Variants in TTI1 observed in about 807,000 individuals in gnomAD.
TTI1 encodes the protein TELO2 interacting protein 1, also known as TELO2-interacting protein 1 homolog.
In TTI1, 52 loss-of-function variants were observed where a neutral mutation model predicts 85.4. The ratio of observed to expected loss-of-function variants is 0.61; its 90% CI spans 0.49 to 0.77. The LOEUF is 0.77. Among genes scored for constraint, TTI1 ranks in the 30% least tolerant of loss-of-function variants. The probability of loss-of-function intolerance (pLI) is 0.00; values close to 1 mark genes in which losing one functional copy is unlikely to be tolerated. For synonymous variants in TTI1, 512 were observed against 503.9 expected (o/e 1.02, Z -0.22); for missense variants, 1,173 against 1,296.0 (o/e 0.91, Z 1.46).
chr20:37,988,638 G>T (rs1359095767), intron 7 of TTI1, among the ~76,000 whole-genome samples: 1 of 152,222 alleles, frequency 6.6e-6, no homozygotes, highest in Non-Finnish European at 1.5e-5. Context: ...CAGGGTAAAT[G>T]CCAGTGGTAA....
At chr20:38,014,900 T>G (rs2073658783) in intron 1 of TTI1, among the ~76,000 whole-genome samples, 1 of 152,160 alleles carries the variant, frequency 6.6e-6, no homozygotes, top group Non-Finnish European at 1.5e-5. Context: ...CTGGGAAGAC[T>G]TACAAAAGTG....
intron 1 of TTI1, among the ~76,000 whole-genome samples, chr20:38,017,868 A>C (rs1018075427): frequency 6.6e-6 from 1 of 152,216 alleles, no homozygotes; most frequent in Non-Finnish European, 1.5e-5. Flanking sequence ...CTTTCAACTG[A>C]AAGCCCTGGA....
At chr20:38,002,848 T>C in intron 3 of TTI1, 72 bp from the exon 4 acceptor site, 1 of 1,588,516 alleles carries the variant, frequency 6.3e-7, no homozygotes. Context: ...TTCTGTTCTT[T>C]ATAAATTACT....
chr20:37,987,346 G>A (rs1309627186), intron 7 of TTI1: 1 of 456,716 alleles, frequency 2.2e-6, no homozygotes, highest in Admixed American at 2.3e-5. Flanking sequence ...AAGTGACTGG[G>A]GTAACTGCCT....
intron 1 of TTI1, among the ~76,000 whole-genome samples, chr20:38,016,503 T>G (rs1271375940): frequency 6.6e-6 from 1 of 152,222 alleles, no homozygotes; most frequent in African/African-American, 2.4e-5. Context: ...GCTAATGAAA[T>G]GGGAATACAC....
chr20:38,011,439 A>G, intron 2 of TTI1, 76 bp downstream of exon 2: 1 of 1,519,776 alleles, frequency 6.6e-7, no homozygotes, highest in Non-Finnish European at 8.8e-7. Context: ...AAACAATGCA[A>G]AAAACGAGGC....
intron 2 of TTI1, among the ~76,000 whole-genome samples, chr20:38,009,831 C>T (rs1294677307): frequency 6.6e-6 from 1 of 152,146 alleles, no homozygotes; most frequent in Non-Finnish European, 1.5e-5. Flanking sequence ...AATGTGATAG[C>T]CCCCTATGTG....
intron 1 of TTI1, among the ~76,000 whole-genome samples, chr20:38,015,765 T>G (rs2073673450): frequency 6.6e-6 from 1 of 152,150 alleles, no homozygotes; most frequent in Non-Finnish European, 1.5e-5. Flanking sequence ...GACAGTTAAT[T>G]GCCAAAACCC....
At chr20:37,984,904 G>A (rs552703280) in intron 7 of TTI1, among the ~76,000 whole-genome samples, 76 of 152,274 alleles carry the variant, frequency 5.0e-4, no homozygotes, top group Non-Finnish European at 9.3e-4. Context: ...CCCCTGCAAT[G>A]TGTCCATGTA....
chr20:38,017,939 A>C (rs2073708584), intron 1 of TTI1, among the ~76,000 whole-genome samples: 1 of 152,254 alleles, frequency 6.6e-6, no homozygotes, highest in African/African-American at 2.4e-5. Flanking sequence ...ATTGCAACCC[A>C]GCAGTGACCT....
intron 5 of TTI1, among the ~76,000 whole-genome samples, chr20:37,998,677 GC>G (rs1444909710): frequency 6.6e-6 from 1 of 152,168 alleles, no homozygotes; most frequent in Non-Finnish European, 1.5e-5. Flanking sequence ...AGAAAGGTGG[GC>G]TAGGTGTTCC....
In TTI1 at chr20:37,983,589, AG is replaced by A. The variant is rs768683803; in HGVS notation, c.3136del (p.Leu1046Ter). ...KVDPDSTWFL[L>X]NELYCPVQFT... ...CTGCACGGGGCAGTAAAGCTCGTTCAGGAGGAACCAGGTGGAGTCTGGGTCC... is the reference window on the plus strand; with the variant it reads ...CTGCACGGGGCAGTAAAGCTCGTTCAGAGGAACCAGGTGGAGTCTGGGTCC... On this transcript the variant is annotated frameshift_variant, in exon 8 of 8. Transcript: ENST00000373447. LOFTEE classifies it low-confidence loss of function (END_TRUNC). 6.4e-7 allele frequency: 1 copy of A among 1,568,204 alleles called. No homozygotes were observed. The highest frequency in any genetic ancestry group is 8.6e-7 in the Non-Finnish European group (1 of 1,157,146).
Position 37,983,496 on chromosome 20 carries a change from T to C in TTI1, c.3230A>G (p.Tyr1077Cys). The C allele has an allele frequency of 6.2e-7, 1 of 1,611,744 alleles. No individual in the cohort carries two copies. The highest frequency in any genetic ancestry group is 8.5e-7 in the Non-Finnish European group (1 of 1,179,702). The change falls in exon 8 of 8, where the codon TAC (tyrosine) becomes TGC (cysteine). Residue 1077 changes from tyrosine to cysteine, a missense_variant. Coordinates refer to ENST00000373447, the MANE Select transcript of TTI1 (RefSeq NM_001303457.2). ...LHGASGQQNP[Y>C]TTNVLQLLKE... is the part of the protein sequence containing the mutation. ...GAGCAGCTGGAGCACGTTGGTCGTG[T>C]AGGGGTTCTGCTGCCCGCTGGCCCC...
chr20:38,030,093 G>C (rs1263524380), intron 1 of TTI1, among the ~76,000 whole-genome samples: 1 of 152,146 alleles, frequency 6.6e-6, no homozygotes, highest in African/African-American at 2.4e-5. Context: ...CAACTTTGAT[G>C]AAGTGGTTAA....
At position 37,997,662 on chromosome 20, in the gene TTI1, G is replaced by A. The variant is rs2073362305; in HGVS notation, c.2794-709C>T. 1.3e-5 allele frequency among the ~76,000 whole-genome samples: 2 copies of A among 152,144 alleles called. 1 individual carries two copies. Among genetic ancestry groups the A allele is most frequent in the South Asian group, 4.1e-4 (2 of 4,830 alleles). ...ATTTCTTTAAAAATTGGTAAGCAAG[G>A]CATAACCAGCACAGTGTTTGCTCAT... is the stretch of plus-strand genomic sequence containing the variant. On this transcript the variant is annotated intron_variant, in intron 5 of 7. Coordinates refer to ENST00000373447, the MANE Select transcript of TTI1 (RefSeq NM_001303457.2).
intron 7 of TTI1, among the ~76,000 whole-genome samples, chr20:37,989,516 C>T (rs1207182824): frequency 6.6e-6 from 1 of 152,222 alleles, no homozygotes; most frequent in East Asian, 1.9e-4. Context: ...GGGTTTACAT[C>T]CCACTGGGGC....
At chr20:37,992,683 G>C (rs960784719) in intron 7 of TTI1, among the ~76,000 whole-genome samples, 4 of 152,170 alleles carry the variant, frequency 2.6e-5, no homozygotes, top group African/African-American at 7.2e-5. Context: ...CAAAAGCCAG[G>C]GAGTCTCAGA....
At chr20:37,997,212 A>C (rs1568612561) in intron 5 of TTI1, among the ~76,000 whole-genome samples, 1 of 151,966 alleles carries the variant, frequency 6.6e-6, no homozygotes, top group Non-Finnish European at 1.5e-5. Context: ...GGTTGGATGA[A>C]TAATATGATT....
At chr20:38,001,421 T>C (rs186435507) in intron 4 of TTI1, among the ~76,000 whole-genome samples, 6 of 152,338 alleles carry the variant, frequency 3.9e-5, no homozygotes, top group Admixed American at 3.9e-4. Context: ...AATTATGGTA[T>C]GTATACAGCT....
Sources: allele counts gnomAD v4.1 joint callset (sites outside exome capture counted in the v4.1 genomes callset), GRCh38; gene constraint gnomAD v4.1.1; transcripts MANE v1.5; gene names NCBI Gene and HGNC (gene_info 2026-07-23, HGNC 2026-07-21).